Variants in SLC9A1 observed in about 807,000 individuals in gnomAD.
SLC9A1 encodes the protein sodium/hydrogen exchanger 1.
Under a neutral mutation model 67.9 loss-of-function variants are expected in SLC9A1, and 22 were observed. That is an observed-to-expected ratio of 0.32 (90% CI 0.23 to 0.46). SLC9A1 has a LOEUF of 0.46. Ranked by LOEUF, SLC9A1 falls within the 20% of genes least tolerant of loss-of-function variation. The probability of loss-of-function intolerance (pLI) is 1.00; values close to 1 mark genes in which losing one functional copy is unlikely to be tolerated. For synonymous variants in SLC9A1, 421 were observed against 471.8 expected (o/e 0.89, Z 1.40); for missense variants, 686 against 1,094.8 (o/e 0.63, Z 5.27).
At chr1:27,143,532 T>C (rs188757342) in intron 1 of SLC9A1, among the ~76,000 whole-genome samples, 1 of 152,328 alleles carries the variant, frequency 6.6e-6, no homozygotes, top group East Asian at 1.9e-4. Context: ...CAGGGCTCAA[T>C]GACAGCACTG....
At chr1:27,141,081 G>A (rs1457996594) in intron 1 of SLC9A1, among the ~76,000 whole-genome samples, 1 of 152,152 alleles carries the variant, frequency 6.6e-6, no homozygotes, top group Non-Finnish European at 1.5e-5. Context: ...GGTGGCACAA[G>A]CCTGTAATCC....
In SLC9A1 at chr1:27,100,362, G is replaced by T; in HGVS notation, c.2393C>A (p.Pro798Gln). 1 of 1,567,830 alleles carries T rather than the reference G, an allele frequency of 6.4e-7. No individual in the cohort carries two copies. The highest frequency in any genetic ancestry group is 1.7e-4 in the Middle Eastern group (1 of 5,822). The part of the protein sequence containing the change: ...SQRIQRCLSD[P>Q]GPHPEPGEGE... ...CTCCCCAGGCTCAGGGTGTGGGCCT[G>T]GGTCACTGAGGCAGCGCTGTATCCT... The change falls in exon 12 of 12, where the codon CCA becomes CAA. Residue 798 changes from proline to glutamine, a missense_variant. Transcript: ENST00000263980. This position sits in a 1 kb window ranked among gnomAD's most constrained non-coding sequence, Gnocchi z 5.6.
chr1:27,128,993 C>T (rs949428955), intron 1 of SLC9A1, among the ~76,000 whole-genome samples: 2 of 151,972 alleles, frequency 1.3e-5, no homozygotes, highest in Non-Finnish European at 2.9e-5. Context: ...AATGCATGCA[C>T]GCACGCACGC....
rs373742190 is a variant in SLC9A1, at chr1:27,144,280, G to T, written c.352+9703C>A. Among the ~76,000 whole-genome samples the T allele has an allele frequency of 3.9e-5, 6 of 152,208 alleles. No homozygotes were observed. In the East Asian group the frequency reaches 1.2e-3, roughly 29 times the overall value. On this transcript the variant is annotated intron_variant, in intron 1 of 11. Coordinates refer to ENST00000263980, the MANE Select transcript of SLC9A1 (RefSeq NM_003047.5). ...CCCAGGAAAAGCTTAATTCAATTAGGGCTCTCGGCAGCTCCCCAAGGAAGC... is the reference window on the plus strand; with the variant it reads ...CCCAGGAAAAGCTTAATTCAATTAGTGCTCTCGGCAGCTCCCCAAGGAAGC...
chr1:27,116,933 C>T (rs965878643), intron 1 of SLC9A1, among the ~76,000 whole-genome samples: 1 of 152,286 alleles, frequency 6.6e-6, no homozygotes, highest in East Asian at 1.9e-4. Flanking sequence ...TACCTCTACC[C>T]CCACCATATG....
intron 1 of SLC9A1, among the ~76,000 whole-genome samples, chr1:27,124,223 T>C (rs1192802987): frequency 6.6e-6 from 1 of 152,246 alleles, no homozygotes; most frequent in East Asian, 1.9e-4. Flanking sequence ...GTAAGAGAGC[T>C]TCCATTTCTA....
intron 1 of SLC9A1, among the ~76,000 whole-genome samples, chr1:27,147,180 A>G (rs966948110): frequency 4.0e-5 from 6 of 151,676 alleles, no homozygotes; most frequent in Non-Finnish European, 1.5e-5. Context: ...GGTGCCTGTA[A>G]TCCCAGCTAC....
intron 2 of SLC9A1, 108 bp downstream of exon 2, chr1:27,113,718 C>T (rs2083246158): frequency 1.2e-6 from 1 of 861,020 alleles, no homozygotes; most frequent in Non-Finnish European, 1.9e-6. Context: ...GGGAATGTGC[C>T]TCAGCTGTTT....
rs1195674127 is a variant in SLC9A1 at position 27,100,858 on chromosome 1, G to A, written c.2111-214C>T. ...TCCTTTGACAGGGGCTCCCAGAGGT[G>A]TCCCTCCACAGGCCAAGGCCTGGGG... is the stretch of plus-strand genomic sequence containing the variant. On this transcript the variant is annotated intron_variant, in intron 11 of 11. Transcript: ENST00000263980. This position sits in a 1 kb window ranked among gnomAD's most constrained non-coding sequence, Gnocchi z 5.6. Among the ~76,000 whole-genome samples, 2 of 152,220 alleles carry A rather than the reference G, an allele frequency of 1.3e-5. No individual in the cohort carries two copies. Among genetic ancestry groups the A allele is most frequent in the African/African-American group, 2.4e-5 (1 of 41,462 alleles).
rs2083553864 is a variant in SLC9A1, at chr1:27,154,597, T to C, written c.-263A>G. ...ACCAAAAGGTCTGGAACTCCGGGCCTGGGAAGGGGGAGGACGGATGTGGGA... is the reference window on the plus strand; with the variant it reads ...ACCAAAAGGTCTGGAACTCCGGGCCCGGGAAGGGGGAGGACGGATGTGGGA... On this transcript the variant is annotated 5_prime_UTR_variant, in exon 1 of 12. Transcript: ENST00000263980. 4 of 411,362 alleles carry C rather than the reference T, an allele frequency of 9.7e-6. No homozygotes were observed. The highest frequency in any genetic ancestry group is 1.3e-5 in the Non-Finnish European group (3 of 228,952). The allele number at this position is 411,362 out of a possible 1,614,324, so 25.5% of individuals were successfully genotyped here.
chr1:27,126,349 T>A (rs1044290030), intron 1 of SLC9A1, among the ~76,000 whole-genome samples: 2 of 152,266 alleles, frequency 1.3e-5, no homozygotes, highest in East Asian at 3.9e-4. Context: ...GATGGATGAC[T>A]TTCTCTTACC....
rs540046195 is a variant in SLC9A1, at chr1:27,137,265, A to T, written c.352+16718T>A. On this transcript the variant is annotated intron_variant, in intron 1 of 11. Transcript: ENST00000263980. The surrounding 1 kb of genome is among the most constrained non-coding windows in gnomAD (Gnocchi z 4.6). Reference sequence around the variant, plus strand: ...CCGCCTCACCTCTGCGGAGGGAACGATGTGGGAAGAAGGACCACTTATAGC... The same window carrying T: ...CCGCCTCACCTCTGCGGAGGGAACGTTGTGGGAAGAAGGACCACTTATAGC... 6.6e-6 allele frequency among the ~76,000 whole-genome samples: 1 copy of T among 152,358 alleles called. No individual in the cohort carries two copies. The highest frequency in any genetic ancestry group is 2.1e-4 in the South Asian group (1 of 4,830).
chr1:27,112,431 G>C (rs1056873774), intron 2 of SLC9A1, among the ~76,000 whole-genome samples: 2 of 152,224 alleles, frequency 1.3e-5, no homozygotes, highest in Admixed American at 6.5e-5. Context: ...AGCTCAGGAG[G>C]GGGTGGGAGT....
intron 4 of SLC9A1, 56 bp downstream of exon 4, chr1:27,107,592 C>A (rs980858358): frequency 6.9e-6 from 9 of 1,311,930 alleles, no homozygotes; most frequent in African/African-American, 4.4e-5. Flanking sequence ...CAGCCCACCA[C>A]CCCCCACACA....
chr1:27,106,453 A>G lies in SLC9A1; in HGVS notation c.1283-366T>C, dbSNP rs527932153. On this transcript the variant is annotated intron_variant, in intron 4 of 11. Transcript: ENST00000263980. The surrounding 1 kb of genome is among the most constrained non-coding windows in gnomAD (Gnocchi z 4.3). Reference sequence around the variant, plus strand: ...TCCTATTCTCTCTACTTTTCTAAGTACTTGAAATTTTCCATAATAAAGCAT... The same window carrying G: ...TCCTATTCTCTCTACTTTTCTAAGTGCTTGAAATTTTCCATAATAAAGCAT... Among the ~76,000 whole-genome samples the G allele has an allele frequency of 6.6e-6, 1 of 152,298 alleles. No homozygotes were observed. Among genetic ancestry groups the G allele is most frequent in the East Asian group, 1.9e-4 (1 of 5,186 alleles).
At position 27,137,524 on chromosome 1, in the gene SLC9A1, A is replaced by AG. The variant is rs1203688896; in HGVS notation, c.352+16458dup. The stretch of plus-strand genomic sequence containing the variant: ...GGGACCACAAAGTTGCAAGTGGGGG[A>AG]GGGGGGTTTCAGTCCTGGTCTTTTG... On this transcript the variant is annotated intron_variant, in intron 1 of 11. Transcript: ENST00000263980. This position sits in a 1 kb window ranked among gnomAD's most constrained non-coding sequence, Gnocchi z 4.6. Among the ~76,000 whole-genome samples the AG allele has an allele frequency of 2.0e-5, 3 of 151,992 alleles. No individual in the cohort carries two copies. Among genetic ancestry groups the AG allele is most frequent in the Non-Finnish European group, 4.4e-5 (3 of 67,970 alleles).
chr1:27,102,278 G>A (rs914404444), intron 8 of SLC9A1, 107 bp downstream of exon 8: 28 of 1,389,006 alleles, frequency 2.0e-5, no homozygotes, highest in African/African-American at 5.7e-5. Flanking sequence ...TCTCTTGTCC[G>A]CCCCAACAGG....
chr1:27,121,638 G>A (rs568945184), intron 1 of SLC9A1, among the ~76,000 whole-genome samples: 1 of 152,320 alleles, frequency 6.6e-6, no homozygotes, highest in Admixed American at 6.5e-5. Context: ...GAGGATCACA[G>A]CCTCAGCAAC....
intron 5 of SLC9A1, among the ~76,000 whole-genome samples, chr1:27,104,195 C>T (rs2083168171): frequency 6.6e-6 from 1 of 151,494 alleles, no homozygotes; most frequent in Admixed American, 6.6e-5. Context: ...GATTCTCCTG[C>T]CTCAGCCTCC....
Sources: gnomAD v4.1 joint callset for allele counts (sites outside exome capture counted in the v4.1 genomes callset) on GRCh38, gnomAD v4.1.1 for gene constraint, Gnocchi (gnomAD v3.1) non-coding constraint, MANE v1.5 for transcripts, NCBI Gene and HGNC (gene_info 2026-07-23, HGNC 2026-07-21) for gene names.